The following MITD1 variants were observed in gnomAD, a reference collection of about 807,000 sequenced individuals.
MITD1 encodes microtubule interacting and trafficking domain containing 1, also known as MIT domain-containing protein 1.
In MITD1, 24 loss-of-function variants were observed where a neutral mutation model predicts 34.9. The ratio of observed to expected loss-of-function variants is 0.69; its 90% CI spans 0.50 to 0.97. MITD1 has a LOEUF of 0.97. Among genes scored for constraint, MITD1 ranks in the 50% least tolerant of loss-of-function variants. The pLI is 0.00. For missense variants in MITD1, 266 were observed against 294.6 expected, an observed-to-expected ratio of 0.90 and a Z score of 0.71; for synonymous variants, 102 against 101.4, an observed-to-expected ratio of 1.01 and a Z score of -0.04.
rs1363028838 is a variant in MITD1, at chr2:99,180,949, C to T, written c.33G>A (p.Gln11=). The change falls in exon 1 of 7, where the codon CAG becomes CAA. Residue 11 remains glutamine (Q), a synonymous_variant. Coordinates refer to ENST00000289359, the MANE Select transcript of MITD1 (RefSeq NM_138798.3). ...TTAGCACAGTGGCTGCAGCTGTGCT[C>T]TGCGGGTCCTGCCTCAGCCCGGACT... The part of the protein sequence containing the change: MAKSGLRQDP[Q]STAAATVLKR... 2 of 1,614,020 alleles carry T rather than the reference C, an allele frequency of 1.2e-6. No homozygotes were observed. Among genetic ancestry groups the T allele is most frequent in the Admixed American group, 1.7e-5 (1 of 59,980 alleles).
chr2:99,173,802 C>A (rs1236312181), intron 2 of MITD1, 113 bp downstream of exon 2: 6 of 704,638 alleles, frequency 8.5e-6, no homozygotes, highest in African/African-American at 1.8e-5. Context: ...TGTAAGCTCC[C>A]AGGGACAACT....
chr2:99,169,656 G>T, intron 5 of MITD1, 46 bp from the exon 6 acceptor site: 1 of 1,467,814 alleles, frequency 6.8e-7, no homozygotes, highest in South Asian at 1.1e-5. Context: ...ATTTAAGTCA[G>T]ACTATTAATA....
chr2:99,170,621 AGGCCTCTAC>A lies in MITD1; in HGVS notation c.500_508del (p.Ser167_Leu170delinsMet). Reference sequence around the variant, plus strand: ...CCTGAGTGACTCTTCTATTTCTTGCAGGCCTCTACTTTGCTGCACTTGCTCAATGCCCTG... The same window carrying A: ...CCTGAGTGACTCTTCTATTTCTTGCATTTGCTGCACTTGCTCAATGCCCTG... On this transcript the variant is annotated inframe_deletion, in exon 5 of 7. Transcript: ENST00000289359. 1 of 1,607,172 alleles carries A rather than the reference AGGCCTCTAC, an allele frequency of 6.2e-7. No individual in the cohort carries two copies. Among genetic ancestry groups the A allele is most frequent in the Admixed American group, 1.7e-5 (1 of 59,960 alleles).
intron 7 of MITD1, chr2:99,162,554 G>A (rs1191961137): frequency 6.2e-7 from 1 of 1,614,152 alleles, no homozygotes; most frequent in Admixed American, 1.7e-5. Context: ...CTTACCAAGG[G>A]ATCAGGAGCA....
downstream of MITD1, among the ~76,000 whole-genome samples, chr2:99,166,111 A>G (rs143400159): frequency 5.5e-4 from 84 of 151,754 alleles, no homozygotes; most frequent in Middle Eastern, 0.014. Context: ...TTTTTTGCTT[A>G]TATCAGGTAG....
downstream of MITD1, among the ~76,000 whole-genome samples, chr2:99,167,978 C>G (rs2093834397): frequency 6.6e-6 from 1 of 152,212 alleles, no homozygotes; most frequent in South Asian, 2.1e-4. Flanking sequence ...CAAGACCACT[C>G]TGTCCAACCT....
intron 1 of MITD1, among the ~76,000 whole-genome samples, chr2:99,179,311 T>C (rs1341600342): frequency 1.3e-5 from 2 of 152,106 alleles, no homozygotes; most frequent in African/African-American, 2.4e-5. Flanking sequence ...CGTTGGGGCC[T>C]TGGGCTCCGA....
chr2:99,168,453 G>A (rs2093836893), downstream of MITD1, among the ~76,000 whole-genome samples: 1 of 152,128 alleles, frequency 6.6e-6, no homozygotes, highest in South Asian at 2.1e-4. Context: ...CATGTTCTTT[G>A]AGCTGTGGAC....
downstream of MITD1, among the ~76,000 whole-genome samples, chr2:99,167,804 T>A (rs2093833497): frequency 6.6e-6 from 1 of 152,140 alleles, no homozygotes; most frequent in Admixed American, 6.5e-5. Flanking sequence ...GTAAATTAGT[T>A]TGAGTCTAAA....
chr2:99,162,555 A>T, intron 7 of MITD1: 1 of 1,614,192 alleles, frequency 6.2e-7, no homozygotes, highest in Non-Finnish European at 8.5e-7. Flanking sequence ...TTACCAAGGG[A>T]TCAGGAGCAA....
At chr2:99,177,473 GTTTTGATACATGT>G (rs1405341862) in intron 1 of MITD1, among the ~76,000 whole-genome samples, 1 of 152,090 alleles carries the variant, frequency 6.6e-6, no homozygotes, top group East Asian at 1.9e-4. Flanking sequence ...ACAATGTGAT[GTTTTGATACATGT>G]ATACATTGTG....
chr2:99,180,966 G>T lies in MITD1; in HGVS notation c.16C>A (p.Leu6Met), dbSNP rs200766210. The T allele has an allele frequency of 1.4e-5, 23 of 1,613,548 alleles. No individual in the cohort carries two copies. The highest frequency in any genetic ancestry group is 1.9e-5 in the Non-Finnish European group (22 of 1,179,770). The change falls in exon 1 of 7, where the codon CTG becomes ATG. Residue 6 changes from leucine to methionine, a missense_variant. Physicochemically the swap from Leu to Met is conservative, Grantham distance 15. Transcript: ENST00000289359. MAKSG[L>M]RQDPQSTAAA... Reference sequence around the variant, plus strand: ...GCTGTGCTCTGCGGGTCCTGCCTCAGCCCGGACTTCGCCATAATTCTGGAA... The same window carrying T: ...GCTGTGCTCTGCGGGTCCTGCCTCATCCCGGACTTCGCCATAATTCTGGAA...
chr2:99,174,199 C>T (rs946789594), intron 1 of MITD1, among the ~76,000 whole-genome samples, 183 bp from the exon 2 acceptor site: 7 of 152,088 alleles, frequency 4.6e-5, no homozygotes, highest in Admixed American at 2.6e-4. Context: ...CATATTTACA[C>T]GAAGCGTGAT....
At chr2:99,174,881 G>A (rs923835636) in intron 1 of MITD1, among the ~76,000 whole-genome samples, 4 of 145,712 alleles carry the variant, frequency 2.7e-5, no homozygotes, top group Non-Finnish European at 6.0e-5. Flanking sequence ...GTGAGCCACC[G>A]TGCCCGGCCC....
rs555961197 is a variant in MITD1, at chr2:99,173,846, G to C, written c.253+69C>G. ...CCACACAGAGCTCCAAAGGGCAGGA[G>C]CCAGAAACATTGGGTGAATGGACAG... On this transcript the variant is annotated intron_variant, in intron 2 of 6. Coordinates refer to ENST00000289359, the MANE Select transcript of MITD1 (RefSeq NM_138798.3). 1.6e-4 allele frequency: 157 copies of C among 981,672 alleles called. 1 individual carries two copies. The South Asian group carries it at 1.9e-3, about 12-fold the overall frequency. The allele number at this position is 981,672 out of a possible 1,614,324, so 60.8% of individuals were successfully genotyped here. A position where few individuals can be genotyped will look rare whatever the true frequency, so the allele number is the denominator to read the frequency against.
intron 7 of MITD1, among the ~76,000 whole-genome samples, chr2:99,163,408 A>G (rs962749198): frequency 6.6e-5 from 10 of 151,982 alleles, no homozygotes; most frequent in African/African-American, 1.9e-4. Flanking sequence ...GCCCACTGCA[A>G]CCTTTACCTC....
At position 99,173,955 on chromosome 2, in the gene MITD1, T is replaced by C. The variant is rs746948073; in HGVS notation, c.213A>G (p.Arg71=). ...CCAAGTACTTCTTTATGTTTTCCGCTCTGTCCATGTATTTGGAAATTTTTT... is the reference window on the plus strand; with the variant it reads ...CCAAGTACTTCTTTATGTTTTCCGCCCTGTCCATGTATTTGGAAATTTTTT... ...LREKISKYMD[R]AENIKKYLDQ... Residue 71 remains arginine, a synonymous_variant, in exon 2 of 7, where the codon AGA becomes AGG. Transcript: ENST00000289359. The C allele has an allele frequency of 6.2e-7, 1 of 1,610,352 alleles. No homozygotes were observed. The highest frequency in any genetic ancestry group is 1.1e-5 in the South Asian group (1 of 90,730).
intron 1 of MITD1, among the ~76,000 whole-genome samples, chr2:99,175,442 T>C (rs1295521475): frequency 1.3e-5 from 2 of 152,244 alleles, no homozygotes; most frequent in African/African-American, 4.8e-5. Context: ...TCATTAGACT[T>C]GGTTTATGCA....
chr2:99,180,949 C>G lies in MITD1; in HGVS notation c.33G>C (p.Gln11His). ...TTAGCACAGTGGCTGCAGCTGTGCT[C>G]TGCGGGTCCTGCCTCAGCCCGGACT... Reference protein sequence around the residue: MAKSGLRQDPQSTAAATVLKR... With the variant: MAKSGLRQDPHSTAAATVLKR... The change falls in exon 1 of 7, where the codon CAG becomes CAC. Residue 11 changes from glutamine (Q) to histidine (H), a missense_variant. Physicochemically the swap from Gln to His is conservative, Grantham distance 24. Coordinates refer to ENST00000289359, the MANE Select transcript of MITD1 (RefSeq NM_138798.3). 1 of 1,614,020 alleles carries G rather than the reference C, an allele frequency of 6.2e-7. No homozygotes were observed. The highest frequency in any genetic ancestry group is 8.5e-7 in the Non-Finnish European group (1 of 1,179,954).
Sources: allele counts gnomAD v4.1 joint callset (sites outside exome capture counted in the v4.1 genomes callset), GRCh38; gene constraint gnomAD v4.1.1; transcripts MANE v1.5; gene names NCBI Gene and HGNC (gene_info 2026-07-23, HGNC 2026-07-21).